The following UPF1 variants were observed in gnomAD, a reference collection of about 807,000 sequenced individuals.
The protein encoded by UPF1 is UPF1 RNA helicase and ATPase.
UPF1 carries 9 observed loss-of-function variants against 129.2 expected under a neutral mutation model. The ratio of observed to expected loss-of-function variants is 0.07; its 90% CI spans 0.04 to 0.12. The LOEUF is 0.12. Ranked by LOEUF, UPF1 falls within the 10% of genes least tolerant of loss-of-function variation. The pLI is 1.00. For synonymous variants in UPF1, 649 were observed against 644.9 expected, an observed-to-expected ratio of 1.01 and a Z score of -0.10; for missense variants, 788 against 1,525.3, an observed-to-expected ratio of 0.52 and a Z score of 8.05.
chr19:18,852,335 G>A, intron 6 of UPF1, 39 bp downstream of exon 6: 2 of 1,606,762 alleles, frequency 1.2e-6, no homozygotes, highest in Non-Finnish European at 8.5e-7. Context: ...GGTGGGCTCT[G>A]GCTCTCACAG....
At chr19:18,855,283 CT>C in intron 11 of UPF1, 41 bp downstream of exon 11, 2 of 1,593,466 alleles carry the variant, frequency 1.3e-6, no homozygotes, top group Middle Eastern at 1.7e-4. Context: ...CCCGGGAGGG[CT>C]TTAGGGTGGC....
chr19:18,861,109 C>T (rs2055774325), intron 17 of UPF1, 127 bp downstream of exon 17: 1 of 1,299,122 alleles, frequency 7.7e-7, no homozygotes, highest in East Asian at 2.6e-5. Context: ...GAAGCACCAG[C>T]TGGCCCACCC....
chr19:18,832,052 C>T lies in UPF1; in HGVS notation c.-158C>T, dbSNP rs1390350971. On this transcript the variant is annotated 5_prime_UTR_variant, in exon 1 of 24. Coordinates refer to ENST00000262803, the MANE Select transcript of UPF1 (RefSeq NM_002911.4). This position sits in a 1 kb window ranked among gnomAD's most constrained non-coding sequence, Gnocchi z 5.6. ...CAGCGGCGGCGGCTCGGCACTGTTA[C>T]CTCTCGGTCCGGCTGGCGCCGGGGC... 1.7e-6 allele frequency: 1 copy of T among 603,976 alleles called. No homozygotes were observed. The highest frequency in any genetic ancestry group is 4.4e-5 in the South Asian group (1 of 22,984). 37.4% of individuals were successfully genotyped at this position (603,976 alleles called of 1,614,324 possible). A position where few individuals can be genotyped will look rare whatever the true frequency, so the allele number is the denominator to read the frequency against.
chr19:18,836,129 C>T (rs547896734), intron 1 of UPF1, among the ~76,000 whole-genome samples: 178 of 152,322 alleles, frequency 1.2e-3, no homozygotes, highest in African/African-American at 4.1e-3. Context: ...GCCAAGTGTC[C>T]TTAAGATACA....
intron 17 of UPF1, 81 bp from the exon 18 acceptor site, chr19:18,861,929 G>T: frequency 6.5e-7 from 1 of 1,542,792 alleles, no homozygotes; most frequent in Non-Finnish European, 8.7e-7. Flanking sequence ...TTTGAGGGTG[G>T]GTCTTGGTGT....
chr19:18,848,155 A>C, intron 3 of UPF1: 1 of 301,856 alleles, frequency 3.3e-6, no homozygotes, highest in South Asian at 3.3e-5. Context: ...GATGTTCCCA[A>C]GGCAGTAACG....
chr19:18,849,983 A>C, intron 3 of UPF1, 92 bp from the exon 4 acceptor site: 190 of 1,420,772 alleles, frequency 1.3e-4, no homozygotes, highest in Non-Finnish European at 1.6e-4. Flanking sequence ...TGGACCGTGA[A>C]CGGTACCGGA....
In UPF1 at chr19:18,832,391, G is replaced by A; in HGVS notation, c.182G>A (p.Gly61Asp). ...GGCCCGGGCGGTGGCGGCGCGGGAG[G>A]CCCGGGCGGCGCGGGCGCGGGCGCT... Reference protein sequence around the residue: ...PGGPGGGGAGGPGGAGAGAAA... With the variant: ...PGGPGGGGAGDPGGAGAGAAA... The change falls in exon 1 of 24, where the codon GGC (glycine) becomes GAC (aspartate). Residue 61 changes from glycine to aspartate, a missense_variant. Around this residue, in one of 6 missense-constraint regions of UPF1, gnomAD observed 112 missense variants for 128.2 expected, o/e 0.87. Transcript: ENST00000262803. This position sits in a 1 kb window ranked among gnomAD's most constrained non-coding sequence, Gnocchi z 5.6. The A allele has an allele frequency of 9.4e-7, 1 of 1,065,050 alleles. No homozygotes were observed. The allele number at this position is 1,065,050 out of a possible 1,614,324, so 66.0% of individuals were successfully genotyped here. A position where few individuals can be genotyped will look rare whatever the true frequency, so the allele number is the denominator to read the frequency against.
chr19:18,850,317 C>T lies in UPF1; in HGVS notation c.629+75C>T, dbSNP rs1321899811. ...TCTCCTCACAAGCCTTGGCCCAGCC[C>T]AGCCCAGCCGTGGCTCTAACTCCAG... On this transcript the variant is annotated intron_variant, in intron 4 of 23. Transcript: ENST00000262803. The surrounding 1 kb of genome is among the most constrained non-coding windows in gnomAD (Gnocchi z 7.1). 2.0e-6 allele frequency: 3 copies of T among 1,504,140 alleles called. No homozygotes were observed. In the African/African-American group the frequency reaches 4.2e-5, roughly 21 times the overall value. The allele number at this position is 1,504,140 out of a possible 1,614,324, so 93.2% of individuals were successfully genotyped here.
Position 18,854,927 on chromosome 19 carries a change from T to C in UPF1, c.1314T>C (p.Ser438=). The C allele has an allele frequency of 1.2e-6, 2 of 1,614,258 alleles. No homozygotes were observed. The highest frequency in any genetic ancestry group is 1.7e-6 in the Non-Finnish European group (2 of 1,180,052). Residue 438 remains serine, a synonymous_variant, in exon 10 of 24, where the codon TCT becomes TCC. Transcript: ENST00000262803. ...TTGCCGTGGATGAGACCTCGGTGTCTGGCTACATCTACCACAAGCTGTTGG... is the reference window on the plus strand; with the variant it reads ...TTGCCGTGGATGAGACCTCGGTGTCCGGCTACATCTACCACAAGCTGTTGG... ...KTFAVDETSV[S]GYIYHKLLGH...
Position 18,844,560 on chromosome 19 carries a change from T to G in UPF1, c.232-1420T>G, listed in dbSNP as rs549274958. Among the ~76,000 whole-genome samples the G allele has an allele frequency of 2.7e-3, 404 of 151,952 alleles. 1 individual carries two copies. The highest frequency in any genetic ancestry group is 4.1e-3 in the Non-Finnish European group (277 of 67,958). On this transcript the variant is annotated intron_variant, in intron 1 of 23. Coordinates refer to ENST00000262803, the MANE Select transcript of UPF1 (RefSeq NM_002911.4). The stretch of plus-strand genomic sequence containing the variant: ...GTTGGCCAGGCTGGTCTCGAACTCC[T>G]GACCTCAGGTGATCCGCCCTGCCGA...
Position 18,832,278 on chromosome 19 carries a change from G to T in UPF1, c.69G>T (p.Leu23=). The T allele has an allele frequency of 6.5e-7, 1 of 1,547,000 alleles. No individual in the cohort carries two copies. The highest frequency in any genetic ancestry group is 1.7e-4 in the Middle Eastern group (1 of 5,844). The change falls in exon 1 of 24, where the codon CTG becomes CTT. Residue 23 remains leucine, a synonymous_variant. Transcript: ENST00000262803. This position sits in a 1 kb window ranked among gnomAD's most constrained non-coding sequence, Gnocchi z 5.6. ...LTFLDTEEAE[L]LGADTQGSEF... ...TCCTGGACACGGAGGAGGCCGAGCT[G>T]CTTGGCGCCGACACACAGGGCTCCG...
At chr19:18,834,470 T>C (rs2055462368) in intron 1 of UPF1, among the ~76,000 whole-genome samples, 1 of 152,160 alleles carries the variant, frequency 6.6e-6, no homozygotes, top group East Asian at 1.9e-4. Flanking sequence ...TTCCTGCACC[T>C]GAACACACTG....
Position 18,860,184 on chromosome 19 carries a change from A to T in UPF1, c.2183-137A>T. On this transcript the variant is annotated intron_variant, in intron 15 of 23. Coordinates refer to ENST00000262803, the MANE Select transcript of UPF1 (RefSeq NM_002911.4). ...CCAGGGGACCGGCTCAGGTGACCTC[A>T]CCAGGGCCTCACAGATCGAAGTCTC... 21 of 902,096 alleles carry T rather than the reference A, an allele frequency of 2.3e-5. No individual in the cohort carries two copies. In the South Asian group the frequency reaches 2.4e-4, roughly 10 times the overall value. 55.9% of individuals were successfully genotyped at this position (902,096 alleles called of 1,614,324 possible).
chr19:18,835,286 T>G (rs1028076776), intron 1 of UPF1, among the ~76,000 whole-genome samples: 14 of 152,190 alleles, frequency 9.2e-5, no homozygotes, highest in African/African-American at 3.4e-4. Context: ...TGGCCGAGCA[T>G]TCAGGAAAAT....
At chr19:18,862,240 G>A (rs931694404) in intron 18 of UPF1, 88 bp downstream of exon 18, 23 of 1,553,622 alleles carry the variant, frequency 1.5e-5, no homozygotes, top group Non-Finnish European at 1.9e-5. Flanking sequence ...GGGTTGCCAG[G>A]GCCAGAGGTC....
intron 1 of UPF1, among the ~76,000 whole-genome samples, chr19:18,837,883 C>T (rs1234589634): frequency 1.3e-5 from 2 of 152,188 alleles, no homozygotes; most frequent in Non-Finnish European, 2.9e-5. Flanking sequence ...CTTTCTGGAT[C>T]GTAAGGGACA....
chr19:18,865,142 C>A lies in UPF1; in HGVS notation c.2858-147C>A. 9.7e-7 allele frequency: 1 copy of A among 1,035,698 alleles called. No homozygotes were observed. The highest frequency in any genetic ancestry group is 1.4e-6 in the Non-Finnish European group (1 of 726,786). 64.2% of individuals were successfully genotyped at this position (1,035,698 alleles called of 1,614,324 possible). On this transcript the variant is annotated intron_variant, in intron 20 of 23. Coordinates refer to ENST00000262803, the MANE Select transcript of UPF1 (RefSeq NM_002911.4). The surrounding 1 kb of genome is among the most constrained non-coding windows in gnomAD (Gnocchi z 6.1). ...GCCCCAGGCAGGCTGCTGTAGTTAA[C>A]ATGGAGTCCTGCGAATCCGCATCTT...
rs2055615301 is a variant in UPF1 at position 18,847,677 on chromosome 19, AC to A, written c.372-66del. On this transcript the variant is annotated intron_variant, in intron 2 of 23. Transcript: ENST00000262803. Reference sequence around the variant, plus strand: ...AAATGTTGTCAGAGGAAAGAATTTCACATCTTGCCAAATGAAAACCAGAGAG... The same window carrying A: ...AAATGTTGTCAGAGGAAAGAATTTCAATCTTGCCAAATGAAAACCAGAGAG... 2.7e-6 allele frequency: 4 copies of A among 1,482,830 alleles called. No individual in the cohort carries two copies. The East Asian group carries it at 9.1e-5, about 34-fold the overall frequency. 91.9% of individuals were successfully genotyped at this position (1,482,830 alleles called of 1,614,324 possible).
Sources: allele counts gnomAD v4.1 joint callset (sites outside exome capture counted in the v4.1 genomes callset), GRCh38; gene constraint gnomAD v4.1.1; regional missense constraint gnomAD v4.1.1; non-coding constraint Gnocchi (gnomAD v3.1); transcripts MANE v1.5; gene names NCBI Gene and HGNC (gene_info 2026-07-23, HGNC 2026-07-21).